CD96: variants seen among roughly 807,000 people sequenced by gnomAD.
CD96 encodes CD96 molecule, also known as T-cell surface protein tactile.
In CD96, 70 loss-of-function variants were observed where a neutral mutation model predicts 71.3. That is an observed-to-expected ratio of 0.98 (90% confidence interval 0.81 to 1.20). The LOEUF is 1.20. Ranked by LOEUF, CD96 falls within the 50% of genes most tolerant of loss-of-function variation. The probability of loss-of-function intolerance (pLI) is 0.00; values close to 1 mark genes in which losing one functional copy is unlikely to be tolerated. For synonymous variants in CD96, 248 were observed against 233.0 expected (o/e 1.06, Z -0.59); for missense variants, 742 against 677.5 (o/e 1.10, Z -1.06).
In CD96 at chr3:111,545,412, A is replaced by T; in HGVS notation, c.418+10A>T. ...CTCATTCAGACACACGGTAAGCATA[A>T]CTGGTAGAGGGATGTGCTTTCATTC... is the stretch of plus-strand genomic sequence containing the variant. On this transcript the variant is annotated intron_variant, in intron 2 of 13. Transcript: ENST00000352690. 1.4e-6 allele frequency: 2 copies of T among 1,472,400 alleles called. No homozygotes were observed. The highest frequency in any genetic ancestry group is 1.9e-6 in the Non-Finnish European group (2 of 1,050,990). 91.2% of individuals were successfully genotyped at this position (1,472,400 alleles called of 1,614,324 possible). A position where few individuals can be genotyped will look rare whatever the true frequency, so the allele number is the denominator to read the frequency against.
At chr3:111,632,219 C>T (rs2107737996) in intron 10 of CD96, among the ~76,000 whole-genome samples, 1 of 152,172 alleles carries the variant, frequency 6.6e-6, no homozygotes. Flanking sequence ...GCCATCTATC[C>T]ATCTGAAAAA....
At chr3:111,600,990 A>G (rs1296191589) in intron 7 of CD96, 76 bp downstream of exon 7, 8 of 916,428 alleles carry the variant, frequency 8.7e-6, no homozygotes, top group Non-Finnish European at 1.4e-5. Context: ...TAATGGGAAG[A>G]TTATCACTTC....
At position 111,596,508 on chromosome 3, in the gene CD96, A is replaced by C. The variant is rs549808777; in HGVS notation, c.808-1612A>C. 1.4e-3 allele frequency among the ~76,000 whole-genome samples: 214 copies of C among 152,322 alleles called. 1 individual carries two copies. The highest frequency in any genetic ancestry group is 2.7e-3 in the Non-Finnish European group (183 of 68,028). On this transcript the variant is annotated intron_variant, in intron 5 of 13. Coordinates refer to ENST00000352690, the MANE Select transcript of CD96 (RefSeq NM_005816.5). ...GAGCCAGTTGCCTTCGTAAAATAAT[A>C]ACACCCCCACTTACTCCTGATATTA... is the stretch of plus-strand genomic sequence containing the variant.
At chr3:111,626,161 CGTG>C (rs1189384763) in intron 10 of CD96, among the ~76,000 whole-genome samples, 1 of 151,716 alleles carries the variant, frequency 6.6e-6, no homozygotes, top group African/African-American at 2.4e-5. Flanking sequence ...ATTAGCCAGG[CGTG>C]GTGGTGGGCA....
intron 4 of CD96, among the ~76,000 whole-genome samples, chr3:111,580,478 A>T (rs1198303663): frequency 6.6e-6 from 1 of 152,164 alleles, no homozygotes; most frequent in Non-Finnish European, 1.5e-5. Context: ...TATTTTTGAA[A>T]ATGAGATAAA....
intron 3 of CD96, chr3:111,570,572 G>C: frequency 7.0e-7 from 1 of 1,437,872 alleles, no homozygotes; most frequent in Non-Finnish European, 9.5e-7. Context: ...GGGGGCACTA[G>C]ATCCTTGGCA....
At chr3:111,605,600 C>T (rs919144943) in intron 7 of CD96, among the ~76,000 whole-genome samples, 2 of 152,142 alleles carry the variant, frequency 1.3e-5, no homozygotes, top group South Asian at 2.1e-4. Context: ...CGTCCTCCAC[C>T]TCCTCAGAGA....
rs1378286707 is a variant in CD96 at position 111,561,906 on chromosome 3, T to C, written c.419-5617T>C. On this transcript the variant is annotated intron_variant, in intron 2 of 13. Transcript: ENST00000352690. ...TCCGAGCCAGGTGTGGGATATAGTC[T>C]CGTGGTGCGCCGTTTTTTAAGCCGG... Among the ~76,000 whole-genome samples, 5 of 151,292 alleles carry C rather than the reference T, an allele frequency of 3.3e-5. No homozygotes were observed. The East Asian group carries it at 5.8e-4, about 18-fold the overall frequency.
downstream of CD96, among the ~76,000 whole-genome samples, chr3:111,657,131 G>C (rs1015676440): frequency 2.7e-4 from 41 of 151,920 alleles, no homozygotes; most frequent in African/African-American, 9.9e-4. Flanking sequence ...TTAGTTTTTA[G>C]GAAAAACTAA....
Position 111,623,923 on chromosome 3 carries a change from T to G in CD96, c.1249+101T>G. The G allele has an allele frequency of 4.9e-6, 4 of 812,880 alleles. 1 individual carries two copies. Among genetic ancestry groups the G allele is most frequent in the South Asian group, 4.2e-5 (3 of 72,066 alleles). The allele number at this position is 812,880 out of a possible 1,614,324, so 50.4% of individuals were successfully genotyped here. A position where few individuals can be genotyped will look rare whatever the true frequency, so the allele number is the denominator to read the frequency against. ...GTTGACGTTTCAGCAAACAGCTGTA[T>G]TTTTCATTTGATGTTTGTTAATATC... is the stretch of plus-strand genomic sequence containing the variant. On this transcript the variant is annotated intron_variant, in intron 9 of 13. Coordinates refer to ENST00000352690, the MANE Select transcript of CD96 (RefSeq NM_005816.5).
intron 3 of CD96, 132 bp from the exon 4 acceptor site, chr3:111,578,885 ATATACTAAAT>A: frequency 2.9e-6 from 2 of 687,916 alleles, no homozygotes; most frequent in Non-Finnish European, 5.4e-6. Context: ...TTCTCTAGTA[ATATACTAAAT>A]GTCTTCTAAT....
intron 10 of CD96, among the ~76,000 whole-genome samples, chr3:111,628,100 A>C (rs1396597022): frequency 6.6e-6 from 1 of 152,214 alleles, no homozygotes; most frequent in Admixed American, 6.5e-5. Flanking sequence ...GAAAAAAAAC[A>C]ACAACCAGAA....
At chr3:111,586,134 G>A (rs892303996) in intron 5 of CD96, among the ~76,000 whole-genome samples, 2 of 152,008 alleles carry the variant, frequency 1.3e-5, no homozygotes, top group Admixed American at 6.5e-5. Context: ...TATATTAAGT[G>A]TTTAATAAAC....
At chr3:111,593,298 G>T in intron 5 of CD96, 1 of 381,232 alleles carries the variant, frequency 2.6e-6, no homozygotes, top group Non-Finnish European at 4.6e-6. Flanking sequence ...GTTTTACTTT[G>T]GTAGAAGCAT....
chr3:111,653,949 T>C (rs561788991), downstream of CD96, among the ~76,000 whole-genome samples: 5 of 152,074 alleles, frequency 3.3e-5, no homozygotes, highest in African/African-American at 1.2e-4. Context: ...AGAAAAGAGA[T>C]TAATCAAGAT....
intron 12 of CD96, among the ~76,000 whole-genome samples, chr3:111,642,634 C>T (rs1421543275): frequency 6.6e-6 from 1 of 151,890 alleles, no homozygotes; most frequent in African/African-American, 2.4e-5. Context: ...CAGTGAAAAC[C>T]CGTCTCTACT....
chr3:111,545,247 T>C lies in CD96; in HGVS notation c.263T>C (p.Leu88Pro), dbSNP rs1934331572. The change falls in exon 2 of 14, where the codon CTT becomes CCT. Residue 88 changes from leucine (L) to proline (P), a missense_variant. Coordinates refer to ENST00000352690, the MANE Select transcript of CD96 (RefSeq NM_005816.5). ...GCCTATGGGAGACCCTGTGAGTCAC[T>C]TGTGACTTTCACAGAAACTCCTGAG... Reference protein sequence around the residue: ...YCAYGRPCESLVTFTETPENG... With the variant: ...YCAYGRPCESPVTFTETPENG... 1.9e-6 allele frequency: 3 copies of C among 1,613,972 alleles called. No individual in the cohort carries two copies. The highest frequency in any genetic ancestry group is 1.7e-5 in the Admixed American group (1 of 60,004).
chr3:111,574,794 T>G (rs928051552), intron 3 of CD96, among the ~76,000 whole-genome samples: 1 of 151,890 alleles, frequency 6.6e-6, no homozygotes, highest in Admixed American at 6.5e-5. Context: ...TTAGATTTTT[T>G]TTTTTTGAGG....
rs1238819297 is a variant in CD96 at position 111,617,447 on chromosome 3, C to A, written c.1181-6307C>A. The stretch of plus-strand genomic sequence containing the variant: ...CACCATGCACTTTCTCCCTTCTGAG[C>A]CCATGAAAAACCGGGGATTCAGCCA... On this transcript the variant is annotated intron_variant, in intron 8 of 13. Coordinates refer to ENST00000352690, the MANE Select transcript of CD96 (RefSeq NM_005816.5). Among the ~76,000 whole-genome samples, 5 of 152,200 alleles carry A rather than the reference C, an allele frequency of 3.3e-5. No individual in the cohort carries two copies. The South Asian group carries it at 1.0e-3, about 32-fold the overall frequency.
Sources: allele counts gnomAD v4.1 joint callset (sites outside exome capture counted in the v4.1 genomes callset), GRCh38; gene constraint gnomAD v4.1.1; transcripts MANE v1.5; gene names NCBI Gene and HGNC (gene_info 2026-07-23, HGNC 2026-07-21).